The following QRFPR variants were observed in gnomAD, a reference collection of about 807,000 sequenced individuals.
The protein encoded by QRFPR is pyroglutamylated RFamide peptide receptor.
A neutral mutation model predicts 31.3 loss-of-function variants in QRFPR; 37 were observed. The observed-to-expected ratio is 1.18, with a 90% CI of 0.91 to 1.56. The LOEUF is 1.56. QRFPR is among the 40% of genes most tolerant of loss of function. The pLI, the probability that QRFPR is intolerant of heterozygous loss-of-function variation, is 0.00. For missense variants in QRFPR, 542 were observed against 532.5 expected (o/e 1.02, Z -0.18); for synonymous variants, 197 against 192.0 (o/e 1.03, Z -0.22).
intron 1 of QRFPR, among the ~76,000 whole-genome samples, chr4:121,358,467 T>A (rs934160918): frequency 1.3e-5 from 2 of 152,216 alleles, no homozygotes; most frequent in Non-Finnish European, 2.9e-5. Context: ...TATCTGATAA[T>A]GTTCAAATAA....
intron 2 of QRFPR, among the ~76,000 whole-genome samples, chr4:121,339,718 A>T (rs1396856145): frequency 1.3e-5 from 2 of 152,044 alleles, no homozygotes. Context: ...GTACAAGGAG[A>T]GGCCAAGGGG....
chr4:121,340,922 T>C (rs1298840166), intron 1 of QRFPR, among the ~76,000 whole-genome samples: 3 of 151,694 alleles, frequency 2.0e-5, no homozygotes, highest in African/African-American at 7.3e-5. Flanking sequence ...AGCAAAGTCA[T>C]TGTAAACTGG....
chr4:121,335,595 A>C, intron 3 of QRFPR, among the ~76,000 whole-genome samples: 1 of 120,084 alleles, frequency 8.3e-6, no homozygotes. Flanking sequence ...TGGGGCGGGG[A>C]GAGGAGTGGG....
chr4:121,348,451 A>G (rs1319384416), intron 1 of QRFPR, among the ~76,000 whole-genome samples: 1 of 152,066 alleles, frequency 6.6e-6, no homozygotes, highest in African/African-American at 2.4e-5. Context: ...CTGACTTCCA[A>G]TTTTGATGAC....
Position 121,332,858 on chromosome 4 carries a change from G to C in QRFPR, c.760C>G (p.Arg254Gly). 1 of 1,613,912 alleles carries C rather than the reference G, an allele frequency of 6.2e-7. No individual in the cohort carries two copies. Among genetic ancestry groups the C allele is most frequent in the Non-Finnish European group, 8.5e-7 (1 of 1,179,860 alleles). The change falls in exon 4 of 6, where the codon CGA becomes GGA. Residue 254 changes from arginine to glycine, a missense_variant. By Grantham distance (125) the Arg-to-Gly change is moderately radical. Transcript: ENST00000394427. ...KKRVGDGSVL[R>G]TIHGKEMSKI... Reference sequence around the variant, plus strand: ...GACATTTCTTTTCCATGAATAGTTCGAAGCACTGAACCATCCCCAACTCTT... The same window carrying C: ...GACATTTCTTTTCCATGAATAGTTCCAAGCACTGAACCATCCCCAACTCTT...
intron 1 of QRFPR, among the ~76,000 whole-genome samples, chr4:121,344,379 T>G (rs1725605140): frequency 6.6e-6 from 1 of 152,202 alleles, no homozygotes; most frequent in South Asian, 2.1e-4. Context: ...AACCCACCTG[T>G]GAATTTCACA....
At chr4:121,350,048 T>C (rs189995147) in intron 1 of QRFPR, among the ~76,000 whole-genome samples, 1 of 152,312 alleles carries the variant, frequency 6.6e-6, no homozygotes, top group East Asian at 1.9e-4. Flanking sequence ...AATGTAGTTA[T>C]TGTCAAGGCC....
rs770408120 is a variant in QRFPR at position 121,329,421 on chromosome 4, C to A, written c.1189G>T (p.Glu397Ter). 8.1e-6 allele frequency: 13 copies of A among 1,614,114 alleles called. No homozygotes were observed. The highest frequency in any genetic ancestry group is 1.1e-5 in the Non-Finnish European group (13 of 1,179,988). Residue 397 changes from glutamate to a stop codon, truncating the protein, a stop_gained, in exon 6 of 6, where the codon GAA becomes TAA. Coordinates refer to ENST00000394427, the MANE Select transcript of QRFPR (RefSeq NM_198179.3). LOFTEE classifies it low-confidence loss of function (END_TRUNC). Reference sequence around the variant, plus strand: ...TCTGTCTGTTCACACAATTTGACTTCAATGTTGCCATCACTGAATGCTTCT... The same window carrying A: ...TCTGTCTGTTCACACAATTTGACTTAAATGTTGCCATCACTGAATGCTTCT... ...KGEAFSDGNI[E>*]VKLCEQTEEK...
intron 1 of QRFPR, 120 bp downstream of exon 1, chr4:121,380,188 A>G (rs1200632383): frequency 3.2e-5 from 3 of 94,472 alleles, no homozygotes; most frequent in South Asian, 2.4e-4. Flanking sequence ...ACGAGAGAGG[A>G]GAGAGAGAGA....
Position 121,334,141 on chromosome 4 carries a change from CA to C in QRFPR, c.562-1086del, listed in dbSNP as rs1015285758. On this transcript the variant is annotated intron_variant, in intron 3 of 5. Coordinates refer to ENST00000394427, the MANE Select transcript of QRFPR (RefSeq NM_198179.3). ...AGCAAAGCATGCAAAGGCCAATGAC[CA>C]GGGGGTATGGACTGACACATCTAAG... 3.9e-4 allele frequency among the ~76,000 whole-genome samples: 60 copies of C among 152,258 alleles called. 1 individual carries two copies. The highest frequency in any genetic ancestry group is 1.4e-3 in the African/African-American group (59 of 41,544).
chr4:121,343,656 T>G (rs1303754968), intron 1 of QRFPR, among the ~76,000 whole-genome samples: 2 of 133,094 alleles, frequency 1.5e-5, no homozygotes, highest in Non-Finnish European at 3.3e-5. Context: ...TTATCCTAGG[T>G]TTTTTTTCTC....
chr4:121,369,947 G>C, intron 1 of QRFPR: 2 of 765,764 alleles, frequency 2.6e-6, no homozygotes, highest in Non-Finnish European at 4.8e-6. Flanking sequence ...ACCCTTGTGG[G>C]TGTGTAGCCA....
chr4:121,360,654 T>G (rs1051122388), intron 1 of QRFPR, among the ~76,000 whole-genome samples: 1 of 152,202 alleles, frequency 6.6e-6, no homozygotes, highest in Non-Finnish European at 1.5e-5. Context: ...AAACTGCTAA[T>G]ATTGACTCAC....
intron 1 of QRFPR, among the ~76,000 whole-genome samples, chr4:121,357,251 A>G (rs2110477433): frequency 6.6e-6 from 1 of 152,240 alleles, no homozygotes; most frequent in East Asian, 1.9e-4. Context: ...TTGGCAGACA[A>G]GAGAGGATCA....
At chr4:121,374,766 T>C (rs78572905) in intron 1 of QRFPR, among the ~76,000 whole-genome samples, 1 of 152,368 alleles carries the variant, frequency 6.6e-6, no homozygotes, top group East Asian at 1.9e-4. Context: ...TTCTGTGTTT[T>C]CTTACCCTAA....
intron 3 of QRFPR, chr4:121,334,493 G>T: frequency 5.6e-6 from 1 of 178,470 alleles, no homozygotes; most frequent in South Asian, 1.0e-4. Flanking sequence ...TCTTACCACG[G>T]GGCACCAAAA....
intron 1 of QRFPR, among the ~76,000 whole-genome samples, chr4:121,342,196 C>T (rs1197924248): frequency 6.6e-6 from 1 of 152,140 alleles, no homozygotes; most frequent in Admixed American, 6.5e-5. Context: ...TGCACTTTCT[C>T]CTGCCCTTTG....
intron 1 of QRFPR, among the ~76,000 whole-genome samples, chr4:121,346,681 A>C (rs941679809): frequency 2.6e-5 from 4 of 152,180 alleles, no homozygotes; most frequent in Admixed American, 1.3e-4. Context: ...GGTTTCTTGT[A>C]ATGCTCTTAT....
chr4:121,353,922 G>A (rs1174175944), intron 1 of QRFPR, among the ~76,000 whole-genome samples: 1 of 151,982 alleles, frequency 6.6e-6, no homozygotes, highest in Non-Finnish European at 1.5e-5. Context: ...TCATTCTTCT[G>A]CATATTGATA....
Sources: allele counts gnomAD v4.1 joint callset (sites outside exome capture counted in the v4.1 genomes callset), GRCh38; gene constraint gnomAD v4.1.1; transcripts MANE v1.5; gene names NCBI Gene and HGNC (gene_info 2026-07-23, HGNC 2026-07-21).